JMJD1C: variants seen among roughly 807,000 people sequenced by gnomAD.
JMJD1C encodes the protein jumonji domain containing 1C.
JMJD1C carries 31 observed loss-of-function variants against 245.3 expected under a neutral mutation model. That is an observed-to-expected ratio of 0.13 (90% CI 0.09 to 0.17). The LOEUF (loss-of-function observed/expected upper bound fraction) is 0.17, where lower values mean the gene tolerates loss of function less well. Ranked by LOEUF, JMJD1C falls within the 10% of genes least tolerant of loss-of-function variation. The pLI is 1.00. For missense variants in JMJD1C, 2,691 were observed against 3,000.2 expected (o/e 0.90, Z 2.41); for synonymous variants, 1,057 against 1,017.4 (o/e 1.04, Z -0.74).
chr10:63,464,053 T>C (rs958088392), intron 1 of JMJD1C, among the ~76,000 whole-genome samples: 1 of 152,152 alleles, frequency 6.6e-6, no homozygotes. Context: ...TAATAAGTCC[T>C]GGGCTCTAGC....
intron 2 of JMJD1C, among the ~76,000 whole-genome samples, chr10:63,349,485 C>A (rs1215148836): frequency 2.6e-5 from 4 of 152,182 alleles, no homozygotes; most frequent in African/African-American, 9.7e-5. Flanking sequence ...AAGACATAAT[C>A]AATCCCTGTC....
chr10:63,295,644 T>G (rs781733109), intron 2 of JMJD1C, among the ~76,000 whole-genome samples: 2 of 152,050 alleles, frequency 1.3e-5, no homozygotes, highest in Non-Finnish European at 2.9e-5. Flanking sequence ...TTCCAAATTG[T>G]TAGAGACAAA....
chr10:63,505,644 G>C (rs1365099696), intron 1 of JMJD1C, among the ~76,000 whole-genome samples: 1 of 151,986 alleles, frequency 6.6e-6, no homozygotes, highest in Non-Finnish European at 1.5e-5. Context: ...TTCTGATTTA[G>C]TTGGTCTGGG....
chr10:63,234,237 T>G (rs770105343), intron 3 of JMJD1C, among the ~76,000 whole-genome samples: 67 of 151,600 alleles, frequency 4.4e-4, no homozygotes, highest in Non-Finnish European at 8.1e-4. Context: ...ACAAACAAAA[T>G]GTAATCACAG....
rs1248062261 is a variant in JMJD1C, at chr10:63,500,438, A to AG, written n.113+21299_113+21300insC. Among the ~76,000 whole-genome samples the AG allele has an allele frequency of 2.6e-5, 4 of 151,962 alleles. No individual in the cohort carries two copies. The East Asian group carries it at 7.7e-4, about 29-fold the overall frequency. Reference sequence around the variant, plus strand: ...ACCCTGTCTCCAAAGGAAAAAAAAAAAAAAAAGAACTGTGGCAGGGCATGG... The same window carrying AG: ...ACCCTGTCTCCAAAGGAAAAAAAAAAGAAAAAAGAACTGTGGCAGGGCATGG... On this transcript the variant is annotated intron_variant and non_coding_transcript_variant, in intron 1 of 3. Coordinates refer to the JMJD1C transcript ENST00000633035.
chr10:63,510,437 T>C (rs1426334833), intron 1 of JMJD1C, among the ~76,000 whole-genome samples: 1 of 152,250 alleles, frequency 6.6e-6, no homozygotes, highest in African/African-American at 2.4e-5. Context: ...TATTTTTAAG[T>C]GTTTTTGAGA....
At chr10:63,256,178 C>T (rs1442590154) in intron 3 of JMJD1C, among the ~76,000 whole-genome samples, 2 of 152,120 alleles carry the variant, frequency 1.3e-5, no homozygotes, top group African/African-American at 4.8e-5. Flanking sequence ...CTGAATATTG[C>T]AGAATAGCTC....
intron 3 of JMJD1C, among the ~76,000 whole-genome samples, chr10:63,241,119 T>C (rs774598878): frequency 6.6e-6 from 1 of 152,202 alleles, no homozygotes; most frequent in African/African-American, 2.4e-5. Context: ...TTTATGCACA[T>C]ACACACACAC....
At position 63,459,521 on chromosome 10, in the gene JMJD1C, T is replaced by A. The variant is rs572938086; in HGVS notation, c.168+5974A>T. On this transcript the variant is annotated intron_variant, in intron 1 of 25. Transcript: ENST00000399262. The stretch of plus-strand genomic sequence containing the variant: ...CAATGCTATTTCTTATTTGTAAATA[T>A]TTAGAAAGTTAGATATTTATACTTC... Among the ~76,000 whole-genome samples, 17 of 152,284 alleles carry A rather than the reference T, an allele frequency of 1.1e-4. No homozygotes were observed. The South Asian group carries it at 3.3e-3, about 30-fold the overall frequency.
chr10:63,198,755 G>C lies in JMJD1C; in HGVS notation c.5277-28C>G, dbSNP rs549802800. 5.1e-5 allele frequency: 67 copies of C among 1,326,582 alleles called. No individual in the cohort carries two copies. In the South Asian group the frequency reaches 9.1e-4, roughly 18 times the overall value. The allele number at this position is 1,326,582 out of a possible 1,614,324, so 82.2% of individuals were successfully genotyped here. A position where few individuals can be genotyped will look rare whatever the true frequency, so the allele number is the denominator to read the frequency against. On this transcript the variant is annotated intron_variant, in intron 11 of 25. Transcript: ENST00000399262. ...GAAATATTAAAACATAAAAGTATTA[G>C]GTACCCACATATTAAAACATAAGTC... is the stretch of plus-strand genomic sequence containing the variant.
At chr10:63,460,881 G>A (rs1034188497) in intron 1 of JMJD1C, among the ~76,000 whole-genome samples, 1 of 152,036 alleles carries the variant, frequency 6.6e-6, no homozygotes, top group Non-Finnish European at 1.5e-5. Flanking sequence ...TTATTCTAAT[G>A]AATGAAAACA....
chr10:63,322,430 C>A (rs148610286), intron 2 of JMJD1C, among the ~76,000 whole-genome samples: 1 of 152,008 alleles, frequency 6.6e-6, no homozygotes, highest in African/African-American at 2.4e-5. Context: ...GGACTCAGTA[C>A]GATGATTTTA....
intron 2 of JMJD1C, among the ~76,000 whole-genome samples, chr10:63,267,814 T>C (rs912933668): frequency 6.6e-6 from 1 of 152,132 alleles, no homozygotes; most frequent in East Asian, 1.9e-4. Context: ...AAAATAAATA[T>C]AGTTGAGAGC....
chr10:63,394,217 G>A (rs964399245), intron 1 of JMJD1C, among the ~76,000 whole-genome samples: 1 of 145,364 alleles, frequency 6.9e-6, no homozygotes. Flanking sequence ...TACAATAAAG[G>A]TATATGGCAT....
intron 1 of JMJD1C, among the ~76,000 whole-genome samples, chr10:63,392,071 C>G (rs1445066235): frequency 6.6e-6 from 1 of 152,164 alleles, no homozygotes; most frequent in Non-Finnish European, 1.5e-5. Context: ...AACACCGTCT[C>G]ACAGCCAACA....
rs147313811 is a variant in JMJD1C, at chr10:63,447,528, T to C, written c.168+17967A>G. 2.1e-4 allele frequency among the ~76,000 whole-genome samples: 32 copies of C among 152,340 alleles called. No homozygotes were observed. The East Asian group carries it at 5.6e-3, about 27-fold the overall frequency. ...AACAATTAAGTGACCAGTCAAAATTTCACTAAGCTTATATATTTTCCTTCA... is the reference window on the plus strand; with the variant it reads ...AACAATTAAGTGACCAGTCAAAATTCCACTAAGCTTATATATTTTCCTTCA... On this transcript the variant is annotated intron_variant, in intron 1 of 25. Transcript: ENST00000399262.
At chr10:63,378,487 G>T (rs550348958) in intron 2 of JMJD1C, among the ~76,000 whole-genome samples, 1 of 152,080 alleles carries the variant, frequency 6.6e-6, no homozygotes, top group Non-Finnish European at 1.5e-5. Flanking sequence ...AGCTACTCCG[G>T]AGGCTGAGGC....
At chr10:63,502,370 G>A (rs1381869532) in intron 1 of JMJD1C, among the ~76,000 whole-genome samples, 1 of 151,960 alleles carries the variant, frequency 6.6e-6, no homozygotes, top group Non-Finnish European at 1.5e-5. Context: ...CAGGCACCGT[G>A]GCTCATGCCT....
intron 1 of JMJD1C, among the ~76,000 whole-genome samples, chr10:63,490,045 A>G (rs1954118219): frequency 6.6e-6 from 1 of 152,216 alleles, no homozygotes. Context: ...ATGAGAATCT[A>G]ATGCCTGATG....
Sources: allele counts gnomAD v4.1 joint callset (sites outside exome capture counted in the v4.1 genomes callset), GRCh38; gene constraint gnomAD v4.1.1; transcripts MANE v1.5; gene names NCBI Gene and HGNC (gene_info 2026-07-23, HGNC 2026-07-21).